The following SNX30 variants were observed in gnomAD, a reference collection of about 807,000 sequenced individuals.
SNX30 encodes sorting nexin family member 30, also known as sorting nexin-30.
SNX30 carries 24 observed loss-of-function variants against 46.4 expected under a neutral mutation model. The observed-to-expected ratio is 0.52, with a 90% CI of 0.37 to 0.73. The LOEUF (loss-of-function observed/expected upper bound fraction) is 0.73, where lower values mean the gene tolerates loss of function less well. Among genes scored for constraint, SNX30 ranks in the 30% least tolerant of loss-of-function variants. The probability of loss-of-function intolerance (pLI) is 0.00; values close to 1 mark genes in which losing one functional copy is unlikely to be tolerated. For synonymous variants in SNX30, 189 were observed against 211.5 expected (o/e 0.89, Z 0.92); for missense variants, 533 against 555.7 (o/e 0.96, Z 0.41).
chr9:112,816,995 G>A (rs1840406867), intron 2 of SNX30, among the ~76,000 whole-genome samples: 1 of 152,112 alleles, frequency 6.6e-6, no homozygotes, highest in Admixed American at 6.5e-5. Flanking sequence ...AAAGGGATGA[G>A]ATTATTAATA....
downstream of SNX30, among the ~76,000 whole-genome samples, chr9:112,883,497 A>G (rs112263385): frequency 5.3e-5 from 8 of 151,886 alleles, no homozygotes; most frequent in African/African-American, 1.9e-4. Flanking sequence ...AGTAATTACC[A>G]TAAAGGATTG....
rs184822760 is a variant in SNX30 at position 112,777,107 on chromosome 9, A to G, written c.156+25950A>G. Among the ~76,000 whole-genome samples the G allele has an allele frequency of 6.3e-3, 964 of 152,032 alleles. 10 individuals carry two copies. The highest frequency in any genetic ancestry group is 0.018 in the African/African-American group (757 of 41,462). ...TGACCTTTTAGGTTTTGGTTCCTCA[A>G]TTCTGGCTAAATCTGATTTTTCTGT... On this transcript the variant is annotated intron_variant, in intron 1 of 8. Coordinates refer to ENST00000374232, the MANE Select transcript of SNX30 (RefSeq NM_001012994.2).
At chr9:112,841,721 A>G (rs1840862700) in intron 6 of SNX30, among the ~76,000 whole-genome samples, 1 of 152,200 alleles carries the variant, frequency 6.6e-6, no homozygotes, top group Non-Finnish European at 1.5e-5. Flanking sequence ...TGTGGCTGGG[A>G]CTAAAGACAC....
intron 2 of SNX30, 152 bp from the exon 3 acceptor site, chr9:112,817,553 T>C: frequency 1.7e-6 from 1 of 602,052 alleles, no homozygotes; most frequent in South Asian, 2.0e-5. Context: ...TGGTCTATTC[T>C]GTGTTGGTAA....
intron 1 of SNX30, among the ~76,000 whole-genome samples, chr9:112,788,799 TTTTG>T (rs1219154811): frequency 6.6e-6 from 1 of 152,114 alleles, no homozygotes; most frequent in African/African-American, 2.4e-5. Flanking sequence ...TTTCAGGATT[TTTTG>T]TTTCTTTCTT....
At chr9:112,856,482 G>A (rs981593358) in intron 7 of SNX30, among the ~76,000 whole-genome samples, 1 of 151,738 alleles carries the variant, frequency 6.6e-6, no homozygotes, top group Middle Eastern at 3.2e-3. Flanking sequence ...GGGGAGTGGG[G>A]CATTGGTGTG....
At chr9:112,875,454 A>G (rs1841507603), downstream of SNX30, among the ~76,000 whole-genome samples, 1 of 152,238 alleles carries the variant, frequency 6.6e-6, no homozygotes, top group Non-Finnish European at 1.5e-5. Flanking sequence ...CAGTCATACA[A>G]AATAAGGCAG....
intron 1 of SNX30, among the ~76,000 whole-genome samples, chr9:112,753,621 G>T (rs1034659877): frequency 1.3e-5 from 2 of 152,326 alleles, no homozygotes; most frequent in African/African-American, 4.8e-5. Context: ...GGCTTCAAGT[G>T]ATCTGCCCTC....
chr9:112,772,375 C>T (rs1839667002), intron 1 of SNX30, among the ~76,000 whole-genome samples: 1 of 152,174 alleles, frequency 6.6e-6, no homozygotes, highest in South Asian at 2.1e-4. Context: ...TCCAGGTGTG[C>T]TGGGAGACCT....
chr9:112,782,439 C>G (rs1839860867), intron 1 of SNX30, among the ~76,000 whole-genome samples: 1 of 152,228 alleles, frequency 6.6e-6, no homozygotes, highest in Non-Finnish European at 1.5e-5. Context: ...ACTACAACAG[C>G]TGACTTGAGT....
chr9:112,751,387 G>A (rs935346620), intron 1 of SNX30, among the ~76,000 whole-genome samples: 1 of 152,224 alleles, frequency 6.6e-6, no homozygotes, highest in Admixed American at 6.5e-5. Flanking sequence ...GCAAGCACCG[G>A]TGACAGCTGG....
At chr9:112,854,373 C>T (rs981860516) in intron 7 of SNX30, among the ~76,000 whole-genome samples, 22 of 152,186 alleles carry the variant, frequency 1.4e-4, no homozygotes, top group Admixed American at 7.9e-4. Context: ...TGCTGTTGTC[C>T]GCCTTCCTGG....
intron 1 of SNX30, among the ~76,000 whole-genome samples, chr9:112,780,317 A>C (rs1175046897): frequency 2.0e-5 from 3 of 152,230 alleles, no homozygotes; most frequent in Non-Finnish European, 4.4e-5. Flanking sequence ...TTCCTTCAAC[A>C]TTGTGAATGT....
chr9:112,817,174 CT>C (rs1046913645), intron 2 of SNX30, among the ~76,000 whole-genome samples: 2 of 152,016 alleles, frequency 1.3e-5, no homozygotes, highest in African/African-American at 4.8e-5. Flanking sequence ...ATTATCTTTA[CT>C]TTTTGTTTAT....
At chr9:112,834,882 A>ACACACACGCC (rs56385707) in intron 4 of SNX30, among the ~76,000 whole-genome samples, 1 of 105,252 alleles carries the variant, frequency 9.5e-6, no homozygotes, top group Non-Finnish European at 2.3e-5. Flanking sequence ...ACACACACAC[A>ACACACACGCC]CCTACCTCAA....
chr9:112,765,011 C>G (rs1211400673), intron 1 of SNX30, among the ~76,000 whole-genome samples: 1 of 152,176 alleles, frequency 6.6e-6, no homozygotes, highest in African/African-American at 2.4e-5. Context: ...TGGCTTGGGT[C>G]ACGTGCCTAC....
At chr9:112,806,510 C>CT (rs1840226502) in intron 2 of SNX30, among the ~76,000 whole-genome samples, 1 of 151,872 alleles carries the variant, frequency 6.6e-6, no homozygotes, top group African/African-American at 2.4e-5. Context: ...TTTACTGTGT[C>CT]TTTTTTCTTT....
chr9:112,760,097 T>C (rs541627689), intron 1 of SNX30, among the ~76,000 whole-genome samples: 127 of 152,194 alleles, frequency 8.3e-4, no homozygotes, highest in Non-Finnish European at 1.6e-3. Flanking sequence ...ACAGAGAGAC[T>C]ATAATACAAG....
In SNX30 at chr9:112,869,035, G is replaced by C; in HGVS notation, c.*192G>C. On this transcript the variant is annotated 3_prime_UTR_variant, in exon 9 of 9. Transcript: ENST00000374232. ...TAGTATTTATTCCATGGTGGAGTCT[G>C]TGAGGCTAGAATATCTCTCAGCAAG... The C allele has an allele frequency of 1.7e-6, 1 of 605,014 alleles. No individual in the cohort carries two copies. The allele number at this position is 605,014 out of a possible 1,614,324, so 37.5% of individuals were successfully genotyped here. A position where few individuals can be genotyped will look rare whatever the true frequency, so the allele number is the denominator to read the frequency against.
Sources: gnomAD v4.1 joint callset for allele counts (sites outside exome capture counted in the v4.1 genomes callset) on GRCh38, gnomAD v4.1.1 for gene constraint, MANE v1.5 for transcripts, NCBI Gene and HGNC (gene_info 2026-07-23, HGNC 2026-07-21) for gene names.